TBC1D5: variants seen among roughly 807,000 people sequenced by gnomAD.
TBC1D5 encodes the protein TBC1 domain family, member 5.
In TBC1D5, 75 loss-of-function variants were observed where a neutral mutation model predicts 100.3. That is an observed-to-expected ratio of 0.75 (90% CI 0.62 to 0.91). The LOEUF (loss-of-function observed/expected upper bound fraction) is 0.91, where lower values mean the gene tolerates loss of function less well. TBC1D5 is among the 40% of genes least tolerant of loss of function. The pLI is 0.00. For synonymous variants in TBC1D5, 323 were observed against 325.6 expected (o/e 0.99, Z 0.09); for missense variants, 910 against 942.4 (o/e 0.97, Z 0.45).
chr3:17,722,621 T>C (rs550636179), intron 1 of TBC1D5, among the ~76,000 whole-genome samples: 99 of 152,346 alleles, frequency 6.5e-4, no homozygotes, highest in African/African-American at 2.2e-3. Context: ...CTCAGAGTCA[T>C]ACACTGTCCT....
In TBC1D5 at chr3:17,471,746, ATTTAAAATGTAT is replaced by A. The variant is rs986066876; in HGVS notation, c.97+36716_97+36727del. ...GTACATGTACACACAATACCATGTA[ATTTAAAATGTAT>A]TTTATTGCATTAGAAACTACATGTG... On this transcript the variant is annotated intron_variant, in intron 3 of 21. Transcript: ENST00000253692. Among the ~76,000 whole-genome samples the A allele has an allele frequency of 1.3e-3, 197 of 152,048 alleles. 3 individuals carry two copies. The highest frequency in any genetic ancestry group is 4.4e-4 in the Non-Finnish European group (30 of 68,000).
intron 3 of TBC1D5, among the ~76,000 whole-genome samples, chr3:17,500,394 C>T (rs1033180371): frequency 6.7e-6 from 1 of 149,410 alleles, no homozygotes; most frequent in Non-Finnish European, 1.5e-5. Context: ...CTAAATCTAA[C>T]ATTAAAGCGT....
intron 2 of TBC1D5, among the ~76,000 whole-genome samples, chr3:17,587,575 A>T (rs1408107655): frequency 6.6e-6 from 1 of 151,982 alleles, no homozygotes; most frequent in Non-Finnish European, 1.5e-5. Flanking sequence ...TTGTCCTTTT[A>T]GATATACCCA....
At chr3:17,613,127 C>G (rs1453250596) in intron 2 of TBC1D5, among the ~76,000 whole-genome samples, 3 of 152,238 alleles carry the variant, frequency 2.0e-5, no homozygotes, top group African/African-American at 7.2e-5. Context: ...TGAGTGAGAA[C>G]ATGCAGTGTT....
intron 1 of TBC1D5, among the ~76,000 whole-genome samples, chr3:17,737,594 C>G (rs187908426): frequency 5.5e-4 from 84 of 152,184 alleles, no homozygotes; most frequent in Non-Finnish European, 1.1e-3. Context: ...ATTACTGGAT[C>G]TAATACATGC....
chr3:17,518,650 A>G (rs1299899764), intron 2 of TBC1D5, among the ~76,000 whole-genome samples: 2 of 152,228 alleles, frequency 1.3e-5, no homozygotes, highest in African/African-American at 4.8e-5. Flanking sequence ...CCACAAGTGC[A>G]GATACAAAAG....
At chr3:17,643,482 T>A (rs1328464795) in intron 1 of TBC1D5, among the ~76,000 whole-genome samples, 2 of 152,108 alleles carry the variant, frequency 1.3e-5, no homozygotes, top group African/African-American at 2.4e-5. Context: ...ACTTTTGCTA[T>A]CCATTAATGA....
chr3:17,498,709 T>C (rs988790048), intron 3 of TBC1D5, among the ~76,000 whole-genome samples: 1 of 152,128 alleles, frequency 6.6e-6, no homozygotes, highest in African/African-American at 2.4e-5. Context: ...AAAAAGACTG[T>C]AGTAACACAT....
chr3:17,577,096 T>C (rs1345833758), intron 2 of TBC1D5, among the ~76,000 whole-genome samples: 1 of 151,916 alleles, frequency 6.6e-6, no homozygotes, highest in Non-Finnish European at 1.5e-5. Context: ...AAGGCTATTA[T>C]ATGTACAACC....
chr3:17,433,141 T>C (rs2094473753), intron 3 of TBC1D5, among the ~76,000 whole-genome samples: 1 of 150,146 alleles, frequency 6.7e-6, no homozygotes, highest in Non-Finnish European at 1.5e-5. Flanking sequence ...TGTTAGCAAA[T>C]TGTTGTGCAT....
intron 13 of TBC1D5, among the ~76,000 whole-genome samples, chr3:17,355,919 G>A (rs979499868): frequency 2.6e-5 from 4 of 152,110 alleles, no homozygotes; most frequent in Non-Finnish European, 2.9e-5. Flanking sequence ...TTCTAGTAAT[G>A]AAGCCAATTC....
intron 18 of TBC1D5, among the ~76,000 whole-genome samples, chr3:17,213,920 C>T (rs2073294662): frequency 6.6e-6 from 1 of 150,990 alleles, no homozygotes; most frequent in Non-Finnish European, 1.5e-5. Context: ...TAAGAAAACA[C>T]AGGCTTTGAC....
At chr3:17,626,625 T>C (rs933862019) in intron 1 of TBC1D5, among the ~76,000 whole-genome samples, 27 of 152,146 alleles carry the variant, frequency 1.8e-4, no homozygotes, top group Admixed American at 1.3e-3. Context: ...AGTAGAACCA[T>C]TGCAGAAAGA....
intron 3 of TBC1D5, among the ~76,000 whole-genome samples, chr3:17,467,998 T>C (rs2095328632): frequency 1.3e-5 from 2 of 152,070 alleles, no homozygotes; most frequent in Non-Finnish European, 2.9e-5. Context: ...GTAAAGAGAC[T>C]AAAGAAAGAA....
chr3:17,649,867 A>G (rs149673987), intron 1 of TBC1D5, among the ~76,000 whole-genome samples: 2,520 of 152,324 alleles, frequency 0.017, 52 homozygotes, highest in South Asian at 0.047. Context: ...GGCACTATTC[A>G]CAATAGCAAA....
intron 16 of TBC1D5, among the ~76,000 whole-genome samples, chr3:17,245,668 TAAC>T (rs1420641455): frequency 6.6e-6 from 1 of 152,174 alleles, no homozygotes; most frequent in Non-Finnish European, 1.5e-5. Context: ...TAAACTAACA[TAAC>T]AAATAATAAC....
intron 19 of TBC1D5, among the ~76,000 whole-genome samples, chr3:17,179,842 CCAAA>C (rs1390017750): frequency 1.3e-5 from 2 of 152,132 alleles, no homozygotes; most frequent in African/African-American, 4.8e-5. Context: ...TGTCCAAATA[CCAAA>C]CAGATGAATG....
chr3:17,393,010 C>T (rs4615062), intron 8 of TBC1D5, among the ~76,000 whole-genome samples: 1 of 145,514 alleles, frequency 6.9e-6, no homozygotes. Flanking sequence ...ACATCCTCTC[C>T]AGCATCTATT....
chr3:17,288,221 A>G (rs1045767988), intron 15 of TBC1D5, among the ~76,000 whole-genome samples: 4 of 152,288 alleles, frequency 2.6e-5, no homozygotes, highest in Non-Finnish European at 5.9e-5. Context: ...CAACACTGAA[A>G]ACCCCGTCCA....
Sources: allele counts gnomAD v4.1 joint callset (sites outside exome capture counted in the v4.1 genomes callset), GRCh38; gene constraint gnomAD v4.1.1; transcripts MANE v1.5; gene names NCBI Gene and HGNC (gene_info 2026-07-23, HGNC 2026-07-21).